NEXN: variants seen among roughly 807,000 people sequenced by gnomAD.
NEXN encodes nexilin.
Under a neutral mutation model 92.6 loss-of-function variants are expected in NEXN, and 65 were observed. The ratio of observed to expected loss-of-function variants is 0.70; its 90% confidence interval spans 0.57 to 0.86. The LOEUF (loss-of-function observed/expected upper bound fraction) is 0.86, where lower values mean the gene tolerates loss of function less well. Ranked by LOEUF, NEXN falls within the 40% of genes least tolerant of loss-of-function variation. The pLI is 0.00. For missense variants in NEXN, 778 were observed against 771.1 expected, an observed-to-expected ratio of 1.01 and a Z score of -0.11; for synonymous variants, 254 against 242.5, an observed-to-expected ratio of 1.05 and a Z score of -0.44.
At chr1:77,905,664 G>A (rs1178594839) in intron 1 of NEXN, among the ~76,000 whole-genome samples, 3 of 152,196 alleles carry the variant, frequency 2.0e-5, no homozygotes, top group Non-Finnish European at 2.9e-5. Flanking sequence ...TTCTGGTCGA[G>A]GAGGTTTTCA....
At chr1:77,923,381 C>T (rs1375429115) in intron 5 of NEXN, among the ~76,000 whole-genome samples, 5 of 151,930 alleles carry the variant, frequency 3.3e-5, no homozygotes, top group African/African-American at 1.2e-4. Flanking sequence ...TAGCCTAGTT[C>T]CTAGTATGAA....
rs1403113011 is a variant in NEXN, at chr1:77,926,575, A to T, written c.651A>T (p.Pro217=). Residue 217 remains proline (P), a synonymous_variant, in exon 7 of 13, where the codon CCA becomes CCT. Coordinates refer to ENST00000334785, the MANE Select transcript of NEXN (RefSeq NM_144573.4). The part of the protein sequence containing the change: ...DKRIRYEEQR[P]SLKEAKCLSL... ...GAATAAGATATGAAGAACAACGACCATCTCTCAAGGAAGCAAAGTGTCTTT... is the reference window on the plus strand; with the variant it reads ...GAATAAGATATGAAGAACAACGACCTTCTCTCAAGGAAGCAAAGTGTCTTT... 1.4e-5 allele frequency: 22 copies of T among 1,613,822 alleles called. No homozygotes were observed. Among genetic ancestry groups the T allele is most frequent in the Non-Finnish European group, 1.9e-5 (22 of 1,179,928 alleles).
intron 1 of NEXN, among the ~76,000 whole-genome samples, chr1:77,893,902 A>T (rs1251269223): frequency 6.6e-6 from 1 of 151,124 alleles, no homozygotes; most frequent in South Asian, 2.1e-4. Context: ...ATCTCGTCTT[A>T]GTGCAATCTC....
intron 1 of NEXN, among the ~76,000 whole-genome samples, chr1:77,908,819 T>C (rs1648350282): frequency 6.6e-6 from 1 of 152,200 alleles, no homozygotes; most frequent in Non-Finnish European, 1.5e-5. Flanking sequence ...TATCTACTAA[T>C]GTTAGTTATT....
intron 1 of NEXN, among the ~76,000 whole-genome samples, chr1:77,901,742 T>C (rs1470326393): frequency 6.6e-6 from 1 of 152,144 alleles, no homozygotes; most frequent in African/African-American, 2.4e-5. Flanking sequence ...CCTTTCTTTT[T>C]GTGGGGGGAT....
chr1:77,904,129 A>G (rs1423034037), intron 1 of NEXN, among the ~76,000 whole-genome samples: 1 of 148,428 alleles, frequency 6.7e-6, no homozygotes. Flanking sequence ...AGTAGCTGAC[A>G]TAACAGGTAT....
At chr1:77,909,335 G>A (rs546566374) in intron 1 of NEXN, among the ~76,000 whole-genome samples, 1 of 152,068 alleles carries the variant, frequency 6.6e-6, no homozygotes, top group African/African-American at 2.4e-5. Flanking sequence ...CAGAAGAATC[G>A]CTTGAACCCG....
At chr1:77,920,533 AC>A (rs1260650996) in intron 5 of NEXN, among the ~76,000 whole-genome samples, 1 of 148,876 alleles carries the variant, frequency 6.7e-6, no homozygotes, top group African/African-American at 2.5e-5. Context: ...AGGCAGGAGG[AC>A]TGCTTGAGCC....
At chr1:77,890,608 T>C (rs1207156610) in intron 1 of NEXN, among the ~76,000 whole-genome samples, 2 of 152,132 alleles carry the variant, frequency 1.3e-5, no homozygotes, top group Non-Finnish European at 1.5e-5. Context: ...GGTTTCATTT[T>C]TGAGCAGAAT....
chr1:77,915,754 G>C (rs1325438277), intron 1 of NEXN, among the ~76,000 whole-genome samples: 3 of 152,196 alleles, frequency 2.0e-5, no homozygotes, highest in Non-Finnish European at 4.4e-5. Flanking sequence ...CCTTCAGCTA[G>C]TTAATATTTA....
chr1:77,931,032 T>C (rs955814084), intron 9 of NEXN, among the ~76,000 whole-genome samples: 1 of 152,136 alleles, frequency 6.6e-6, no homozygotes, highest in African/African-American at 2.4e-5. Flanking sequence ...AAATGGTTTC[T>C]ACATAGAAGT....
intron 1 of NEXN, among the ~76,000 whole-genome samples, chr1:77,893,192 A>C (rs978971313): frequency 2.6e-5 from 4 of 152,034 alleles, no homozygotes; most frequent in African/African-American, 9.7e-5. Context: ...CTCCCTGTCC[A>C]TTTGAGAAGT....
At chr1:77,921,404 A>G (rs1398137689) in intron 5 of NEXN, among the ~76,000 whole-genome samples, 2 of 152,204 alleles carry the variant, frequency 1.3e-5, no homozygotes, top group South Asian at 2.1e-4. Flanking sequence ...TCTCTTTTCT[A>G]TATTCTCAAT....
At chr1:77,895,274 T>C (rs1647207529) in intron 1 of NEXN, among the ~76,000 whole-genome samples, 1 of 151,834 alleles carries the variant, frequency 6.6e-6, no homozygotes, top group East Asian at 1.9e-4. Flanking sequence ...CTCGATCTCC[T>C]GACCTCTTGA....
At chr1:77,934,286 C>T (rs1366443397) in intron 10 of NEXN, among the ~76,000 whole-genome samples, 2 of 152,098 alleles carry the variant, frequency 1.3e-5, no homozygotes, top group Non-Finnish European at 2.9e-5. Flanking sequence ...CTGGTTATTA[C>T]AGGCATGAGC....
intron 1 of NEXN, among the ~76,000 whole-genome samples, chr1:77,908,394 A>ATT (rs34361411): frequency 0.03 from 1,092 of 36,270 alleles, 26 homozygotes; most frequent in South Asian, 0.059. Flanking sequence ...CCCTACCTCT[A>ATT]TTTTTTTTTT....
At chr1:77,905,666 A>T (rs567627738) in intron 1 of NEXN, among the ~76,000 whole-genome samples, 1 of 152,304 alleles carries the variant, frequency 6.6e-6, no homozygotes, top group East Asian at 1.9e-4. Flanking sequence ...CTGGTCGAGG[A>T]GGTTTTCAGG....
At chr1:77,889,588 T>G (rs1647059922) in intron 1 of NEXN, 1 of 152,138 alleles carries the variant, frequency 6.6e-6, no homozygotes, top group East Asian at 1.9e-4. Context: ...AATGACGAAG[T>G]TGAGAGGTTA....
chr1:77,910,399 G>T (rs1648464650), intron 1 of NEXN, among the ~76,000 whole-genome samples: 1 of 152,154 alleles, frequency 6.6e-6, no homozygotes, highest in African/African-American at 2.4e-5. Flanking sequence ...GCTCACCGAT[G>T]ATGTGATCAT....
Sources: gnomAD v4.1 joint callset for allele counts (sites outside exome capture counted in the v4.1 genomes callset) on GRCh38, gnomAD v4.1.1 for gene constraint, MANE v1.5 for transcripts, NCBI Gene and HGNC (gene_info 2026-07-23, HGNC 2026-07-21) for gene names.